Variants in GYS1 observed in about 807,000 individuals in gnomAD.
The protein encoded by GYS1 is glycogen synthase 1.
In GYS1, 60 loss-of-function variants were observed where a neutral mutation model predicts 89.1. That is an observed-to-expected ratio of 0.67 (90% CI 0.55 to 0.84). The LOEUF is 0.84. GYS1 is among the 40% of genes least tolerant of loss of function. The pLI, the probability that GYS1 is intolerant of heterozygous loss-of-function variation, is 0.00. For missense variants in GYS1, 888 were observed against 1,003.1 expected (o/e 0.89, Z 1.55); for synonymous variants, 366 against 401.7 (o/e 0.91, Z 1.06).
At chr19:48,972,767 C>T (rs1469667230) in intron 12 of GYS1, among the ~76,000 whole-genome samples, 1 of 152,178 alleles carries the variant, frequency 6.6e-6, no homozygotes, top group Non-Finnish European at 1.5e-5. Context: ...GCGTGAGCCA[C>T]CATGCCTGGC....
chr19:48,979,336 CTTTTTTT>C (rs777178030), intron 8 of GYS1, among the ~76,000 whole-genome samples: 3 of 92,760 alleles, frequency 3.2e-5, no homozygotes, highest in African/African-American at 1.1e-4. Flanking sequence ...TTTTTCTTTT[CTTTTTTT>C]TTTTTTTTTT....
At chr19:48,972,559 A>G (rs1046749779) in intron 12 of GYS1, among the ~76,000 whole-genome samples, 16 of 151,950 alleles carry the variant, frequency 1.1e-4, no homozygotes, top group Admixed American at 9.8e-4. Flanking sequence ...GCTCACTGCA[A>G]TCTCTGCCTC....
chr19:48,981,075 T>G (rs562543350), intron 8 of GYS1, among the ~76,000 whole-genome samples: 1 of 148,924 alleles, frequency 6.7e-6, no homozygotes, highest in South Asian at 2.1e-4. Context: ...ATCATGCCAT[T>G]GCACTCCAGC....
At position 48,968,555 on chromosome 19, in the gene GYS1, C is replaced by T; in HGVS notation, c.*733G>A. 2.2e-6 allele frequency: 1 copy of T among 454,448 alleles called. No individual in the cohort carries two copies. The highest frequency in any genetic ancestry group is 1.6e-5 in the South Asian group (1 of 64,460). 28.2% of individuals were successfully genotyped at this position (454,448 alleles called of 1,614,324 possible). On this transcript the variant is annotated 3_prime_UTR_variant, in exon 16 of 16. Coordinates refer to ENST00000323798, the MANE Select transcript of GYS1 (RefSeq NM_002103.5). ...TAGAAAGGAAGAGTAGGATCTGGTC[C>T]AGAAAGGGCCAGAAAGACAGGAAGG...
At chr19:48,984,711 T>C (rs2038815129) in intron 5 of GYS1, among the ~76,000 whole-genome samples, 1 of 151,962 alleles carries the variant, frequency 6.6e-6, no homozygotes, top group Non-Finnish European at 1.5e-5. Context: ...CACTTTATTA[T>C]AAAATAGGTT....
chr19:48,968,931 C>A lies in GYS1; in HGVS notation c.*357G>T, dbSNP rs570639504. 1.2e-5 allele frequency: 6 copies of A among 515,428 alleles called. No homozygotes were observed. In the East Asian group the frequency reaches 2.6e-4, roughly 22 times the overall value. The allele number at this position is 515,428 out of a possible 1,614,324, so 31.9% of individuals were successfully genotyped here. Reference sequence around the variant, plus strand: ...TATGCTGTAGAATTTGTAAGCCACACGGGGGGCTCTAAAAGCCCCAGACCT... The same window carrying A: ...TATGCTGTAGAATTTGTAAGCCACAAGGGGGGCTCTAAAAGCCCCAGACCT... On this transcript the variant is annotated 3_prime_UTR_variant, in exon 16 of 16. Coordinates refer to ENST00000323798, the MANE Select transcript of GYS1 (RefSeq NM_002103.5).
chr19:48,981,699 C>A, intron 7 of GYS1, 63 bp from the exon 8 acceptor site: 1 of 1,065,944 alleles, frequency 9.4e-7, no homozygotes, highest in South Asian at 1.3e-5. Context: ...ACCAGCCAGC[C>A]TTTCTGTCAA....
intron 6 of GYS1, 112 bp downstream of exon 6, chr19:48,982,608 C>T: frequency 1.1e-6 from 1 of 908,870 alleles, no homozygotes; most frequent in South Asian, 1.3e-5. Flanking sequence ...ACCCAGGTGC[C>T]CCCTCCCTCA....
chr19:48,972,424 T>A (rs796553420), intron 12 of GYS1, among the ~76,000 whole-genome samples: 2 of 152,090 alleles, frequency 1.3e-5, no homozygotes, highest in African/African-American at 4.8e-5. Context: ...TCCTCCCACC[T>A]CAGCCTTCCA....
chr19:48,985,398 C>T, intron 5 of GYS1, 63 bp downstream of exon 5: 3 of 1,556,888 alleles, frequency 1.9e-6, no homozygotes, highest in Non-Finnish European at 2.6e-6. Context: ...TGAGGAGCAA[C>T]TGGCTTTGGC....
chr19:48,988,978 T>C (rs1216852831), intron 2 of GYS1, among the ~76,000 whole-genome samples: 1 of 152,132 alleles, frequency 6.6e-6, no homozygotes, highest in African/African-American at 2.4e-5. Context: ...CACATATCTG[T>C]CACCTGCGAC....
In GYS1 at chr19:48,969,207, G is replaced by A. The variant is rs1008327259; in HGVS notation, c.*81C>T. On this transcript the variant is annotated 3_prime_UTR_variant, in exon 16 of 16. Transcript: ENST00000323798. ...GCCACACCCAGTGCAGATCTGGAGC[G>A]GGGGTTTAGGAGCAGCACCCCTCTG... The A allele has an allele frequency of 7.8e-6, 10 of 1,279,532 alleles. No homozygotes were observed. In the Admixed American group the frequency reaches 1.3e-4, roughly 16 times the overall value. The allele number at this position is 1,279,532 out of a possible 1,614,324, so 79.3% of individuals were successfully genotyped here. A position where few individuals can be genotyped will look rare whatever the true frequency, so the allele number is the denominator to read the frequency against.
Position 48,982,382 on chromosome 19 carries a change from A to G in GYS1, c.942-7T>C, listed in dbSNP as rs200152578. The G allele has an allele frequency of 6.2e-7, 1 of 1,613,768 alleles. No individual in the cohort carries two copies. The highest frequency in any genetic ancestry group is 2.2e-5 in the East Asian group (1 of 44,866). On this transcript the variant is annotated splice_polypyrimidine_tract_variant and splice_region_variant and intron_variant, in intron 6 of 15. Coordinates refer to ENST00000323798, the MANE Select transcript of GYS1 (RefSeq NM_002103.5). Reference sequence around the variant, plus strand: ...CAAGTTGAAGTCCAGATGCCTAAAGAACCCACAAGGCACGGTAAAGCCCAA... The same window carrying G: ...CAAGTTGAAGTCCAGATGCCTAAAGGACCCACAAGGCACGGTAAAGCCCAA...
chr19:48,986,116 G>A, intron 3 of GYS1, 81 bp from the exon 4 acceptor site: 11 of 1,292,038 alleles, frequency 8.5e-6, no homozygotes, highest in Middle Eastern at 1.8e-4. Flanking sequence ...ACAAGGACTC[G>A]GGGAGAGGTC....
Position 48,993,225 on chromosome 19 carries a change from TGCAAGACGCTCG to T in GYS1, c.-125_-114del, listed in dbSNP as rs750312809. The T allele has an allele frequency of 6.5e-6, 5 of 766,462 alleles. No homozygotes were observed. The Admixed American group carries it at 8.5e-5, about 13-fold the overall frequency. The allele number at this position is 766,462 out of a possible 1,614,324, so 47.5% of individuals were successfully genotyped here. On this transcript the variant is annotated 5_prime_UTR_variant, in exon 1 of 16. Transcript: ENST00000323798. Reference sequence around the variant, plus strand: ...AGTAGCTGGTGCCCGACGGGAAGCTTGCAAGACGCTCGGCTTCCTATTGCAAGACCGCACCCC... The same window carrying T: ...AGTAGCTGGTGCCCGACGGGAAGCTTGCTTCCTATTGCAAGACCGCACCCC...
At chr19:48,977,829 A>G (rs941387609) in intron 10 of GYS1, 95 bp downstream of exon 10, 12 of 888,132 alleles carry the variant, frequency 1.4e-5, no homozygotes, top group Non-Finnish European at 2.3e-5. Flanking sequence ...AGAAAGCAGG[A>G]CTCCCAGCAA....
chr19:48,992,110 C>T (rs908163247), intron 1 of GYS1, among the ~76,000 whole-genome samples: 2 of 152,152 alleles, frequency 1.3e-5, no homozygotes, highest in Admixed American at 1.3e-4. Flanking sequence ...CCCCAGCCTC[C>T]TCCCATCCTG....
intron 2 of GYS1, among the ~76,000 whole-genome samples, chr19:48,989,020 G>A (rs1156855800): frequency 2.6e-5 from 4 of 151,890 alleles, no homozygotes; most frequent in Admixed American, 2.6e-4. Flanking sequence ...CCATTTTGTA[G>A]TCCACAGCCT....
intron 3 of GYS1, among the ~76,000 whole-genome samples, 154 bp from the exon 4 acceptor site, chr19:48,986,189 G>A (rs1441176450): frequency 6.6e-6 from 1 of 152,122 alleles, no homozygotes; most frequent in Non-Finnish European, 1.5e-5. Context: ...AACCGGACAG[G>A]GACCTGTAAA....
Sources: allele counts gnomAD v4.1 joint callset (sites outside exome capture counted in the v4.1 genomes callset), GRCh38; gene constraint gnomAD v4.1.1; transcripts MANE v1.5; gene names NCBI Gene and HGNC (gene_info 2026-07-23, HGNC 2026-07-21).